The following GALNT13 variants were observed in gnomAD, a reference collection of about 807,000 sequenced individuals.
GALNT13 encodes polypeptide N-acetylgalactosaminyltransferase 13.
GALNT13 carries 28 observed loss-of-function variants against 64.2 expected under a neutral mutation model. The observed-to-expected ratio is 0.44, with a 90% CI of 0.32 to 0.60. GALNT13 has a LOEUF of 0.60. Among genes scored for constraint, GALNT13 ranks in the 20% least tolerant of loss-of-function variants. GALNT13 has a pLI of 0.05. For missense variants in GALNT13, 577 were observed against 669.8 expected (o/e 0.86, Z 1.53); for synonymous variants, 214 against 224.6 (o/e 0.95, Z 0.42).
the GALNT13 span, among the ~76,000 whole-genome samples, chr2:153,248,738 C>G: frequency 4.6e-5 from 7 of 151,242 alleles, no homozygotes; most frequent in African/African-American, 1.7e-4. Flanking sequence ...ATGGCGTGAA[C>G]CCAGGAAGCG....
intron 8 of GALNT13, among the ~76,000 whole-genome samples, chr2:154,268,172 C>A (rs769965966): frequency 5.9e-5 from 9 of 152,062 alleles, no homozygotes; most frequent in Non-Finnish European, 8.8e-5. Context: ...ATACCGAAAG[C>A]CAGAAACAAT....
chr2:153,426,417 G>A, the GALNT13 span, among the ~76,000 whole-genome samples: 1 of 151,908 alleles, frequency 6.6e-6, no homozygotes, highest in Non-Finnish European at 1.5e-5. Flanking sequence ...AGGTAATGTG[G>A]AGAGCTTTCA....
At chr2:154,169,693 G>A (rs2105696344) in intron 4 of GALNT13, among the ~76,000 whole-genome samples, 1 of 152,240 alleles carries the variant, frequency 6.6e-6, no homozygotes, top group African/African-American at 2.4e-5. Flanking sequence ...TTCAAAGCTG[G>A]GCTGATAACT....
At chr2:154,069,061 TA>T (rs1019610675) in intron 3 of GALNT13, among the ~76,000 whole-genome samples, 23 of 151,714 alleles carry the variant, frequency 1.5e-4, no homozygotes, top group African/African-American at 5.6e-4. Context: ...ATTTAAAAAG[TA>T]AAAAGCAAAA....
chr2:154,153,004 G>A (rs549110619), intron 4 of GALNT13, among the ~76,000 whole-genome samples: 11 of 152,260 alleles, frequency 7.2e-5, no homozygotes, highest in Non-Finnish European at 1.2e-4. Context: ...GAGGAGAGGC[G>A]CTCTGCTTTT....
At chr2:153,263,912 A>C in the GALNT13 span, among the ~76,000 whole-genome samples, 3 of 152,260 alleles carry the variant, frequency 2.0e-5, no homozygotes, top group Admixed American at 2.0e-4. Context: ...TGAAAATGCC[A>C]AATGCAATTG....
chr2:154,151,119 G>C (rs1211884443), intron 4 of GALNT13, among the ~76,000 whole-genome samples: 9 of 152,040 alleles, frequency 5.9e-5, no homozygotes, highest in Non-Finnish European at 1.0e-4. Flanking sequence ...CAGAGATTCT[G>C]GTATGTTGTG....
At chr2:153,811,207 C>A in the GALNT13 span, among the ~76,000 whole-genome samples, 1 of 152,110 alleles carries the variant, frequency 6.6e-6, no homozygotes, top group Admixed American at 6.5e-5. Context: ...AGATCAAAAT[C>A]CAGGTCTTTT....
At chr2:153,102,192 TTCTCTC>T in the GALNT13 span, among the ~76,000 whole-genome samples, 1 of 152,054 alleles carries the variant, frequency 6.6e-6, no homozygotes, top group Non-Finnish European at 1.5e-5. Flanking sequence ...GTCTCCCTCT[TTCTCTC>T]TCTATCTCCC....
At chr2:154,409,279 G>A (rs1699688590) in intron 11 of GALNT13, 197 bp downstream of exon 11, 1 of 571,446 alleles carries the variant, frequency 1.7e-6, no homozygotes, top group Non-Finnish European at 3.1e-6. Flanking sequence ...AATAAAAAGA[G>A]CAACACTTTC....
the GALNT13 span, among the ~76,000 whole-genome samples, chr2:153,582,153 T>G: frequency 6.6e-6 from 1 of 152,178 alleles, no homozygotes; most frequent in African/African-American, 2.4e-5. Context: ...AAAATATTAC[T>G]GATTTCATAG....
chr2:153,647,448 G>A, the GALNT13 span, among the ~76,000 whole-genome samples: 1 of 152,106 alleles, frequency 6.6e-6, no homozygotes, highest in Non-Finnish European at 1.5e-5. Flanking sequence ...TTCTTTTGCT[G>A]TGCAGAAGCT....
Position 154,355,483 on chromosome 2 carries a change from T to C in GALNT13, c.1157-40508T>C, listed in dbSNP as rs113406638. On this transcript the variant is annotated intron_variant, in intron 9 of 12. Transcript: ENST00000392825. ...ATAAATGTCACACTTCATTCTGATA[T>C]TGTATTTGCCACACTAAAATGAGGA... 2.6e-3 allele frequency among the ~76,000 whole-genome samples: 393 copies of C among 152,212 alleles called. 4 individuals are homozygous for C. Among genetic ancestry groups the C allele is most frequent in the African/African-American group, 8.9e-3 (370 of 41,562 alleles).
At position 154,396,149 on chromosome 2, in the gene GALNT13, G is replaced by A. The variant is rs1699042914; in HGVS notation, c.1296+19G>A. 7 of 1,538,630 alleles carry A rather than the reference G, an allele frequency of 4.5e-6. No homozygotes were observed. The highest frequency in any genetic ancestry group is 6.1e-6 in the Non-Finnish European group (7 of 1,144,696). On this transcript the variant is annotated intron_variant, in intron 10 of 12. Transcript: ENST00000392825. ...TGGTGAGGTATGAATTATTTATTTT[G>A]GTTAAGTTATAAATATATTTTGCAA... is the stretch of plus-strand genomic sequence containing the variant.
chr2:154,209,460 A>G (rs903270132), intron 4 of GALNT13, among the ~76,000 whole-genome samples: 4 of 152,136 alleles, frequency 2.6e-5, no homozygotes, highest in African/African-American at 9.6e-5. Flanking sequence ...ATAAATTAGG[A>G]TTCACTTTAC....
intron 6 of GALNT13, among the ~76,000 whole-genome samples, chr2:154,244,155 A>G (rs984555159): frequency 6.6e-6 from 1 of 152,128 alleles, no homozygotes; most frequent in South Asian, 2.1e-4. Context: ...TAATGTTTCA[A>G]TACGGTCATA....
the GALNT13 span, among the ~76,000 whole-genome samples, chr2:153,459,017 T>G: frequency 6.6e-6 from 1 of 152,092 alleles, no homozygotes; most frequent in Non-Finnish European, 1.5e-5. Context: ...CTCCCTCCAA[T>G]GCTTGTTTCT....
the GALNT13 span, among the ~76,000 whole-genome samples, chr2:153,547,627 C>T: frequency 6.6e-6 from 1 of 151,984 alleles, no homozygotes; most frequent in African/African-American, 2.4e-5. Context: ...AAATTCCCAC[C>T]CTCTTGGAGC....
the GALNT13 span, among the ~76,000 whole-genome samples, chr2:153,674,431 G>T: frequency 3.3e-5 from 5 of 152,016 alleles, no homozygotes; most frequent in Non-Finnish European, 7.4e-5. Flanking sequence ...TGACAAACCT[G>T]ACAAAAAAAG....
Sources: allele counts gnomAD v4.1 joint callset (sites outside exome capture counted in the v4.1 genomes callset), GRCh38; gene constraint gnomAD v4.1.1; transcripts MANE v1.5; gene names NCBI Gene and HGNC (gene_info 2026-07-23, HGNC 2026-07-21).